PKD1L1: variants seen among roughly 807,000 people sequenced by gnomAD.
PKD1L1 encodes the protein polycystin-1-like protein 1.
Under a neutral mutation model 323.4 loss-of-function variants are expected in PKD1L1, and 236 were observed. The observed-to-expected ratio is 0.73, with a 90% CI of 0.66 to 0.81. The LOEUF (loss-of-function observed/expected upper bound fraction) is 0.81. PKD1L1 is among the 40% of genes least tolerant of loss of function. The pLI is 0.00. For synonymous variants in PKD1L1, 1,344 were observed against 1,335.0 expected (o/e 1.01, Z -0.15); for missense variants, 3,320 against 3,508.0 (o/e 0.95, Z 1.35).
At chr7:47,819,743 T>C (rs1178646486) in intron 46 of PKD1L1, 3 of 374,334 alleles carry the variant, frequency 8.0e-6, no homozygotes, top group African/African-American at 2.2e-5. Flanking sequence ...GTCACAACAC[T>C]GACAAAGGGG....
intron 15 of PKD1L1, among the ~76,000 whole-genome samples, chr7:47,892,022 T>C (rs1440431423): frequency 6.6e-6 from 1 of 152,242 alleles, no homozygotes; most frequent in Non-Finnish European, 1.5e-5. Flanking sequence ...AACTCATCTA[T>C]TGCTTTATAA....
At position 47,929,279 on chromosome 7, in the gene PKD1L1, T is replaced by C; in HGVS notation, c.985A>G (p.Ser329Gly). 2.7e-5 allele frequency: 43 copies of C among 1,614,152 alleles called. No homozygotes were observed. The highest frequency in any genetic ancestry group is 3.6e-5 in the Non-Finnish European group (43 of 1,180,016). ...TGTAGCCTCATTTCAACCCCAGAAC[T>C]GTCCCCGAAATCCATCATCAGACAG... Reference protein sequence around the residue: ...ALCLMMDFGDSSGVEMRLHNM... With the variant: ...ALCLMMDFGDGSGVEMRLHNM... The change falls in exon 7 of 57, where the codon AGT becomes GGT. Residue 329 changes from serine (S) to glycine (G), a missense_variant. Physicochemically the swap from Ser to Gly is moderately conservative, Grantham distance 56. Coordinates refer to ENST00000289672, the MANE Select transcript of PKD1L1 (RefSeq NM_138295.5).
At chr7:47,794,969 T>C (rs1784486058) in intron 55 of PKD1L1, among the ~76,000 whole-genome samples, 1 of 152,248 alleles carries the variant, frequency 6.6e-6, no homozygotes, top group Admixed American at 6.5e-5. Flanking sequence ...ACCCCCATTG[T>C]ATCTAGGAAG....
intron 1 of PKD1L1, among the ~76,000 whole-genome samples, chr7:47,947,043 AT>A (rs771406561): frequency 6.6e-6 from 1 of 152,226 alleles, no homozygotes; most frequent in East Asian, 1.9e-4. Flanking sequence ...CTGCAGGAGC[AT>A]GGGCATTTGG....
intron 4 of PKD1L1, among the ~76,000 whole-genome samples, chr7:47,936,215 C>T (rs1203984613): frequency 3.3e-5 from 5 of 152,132 alleles, no homozygotes; most frequent in African/African-American, 7.2e-5. Context: ...TTTGAAGGCA[C>T]AGTTCAGTGG....
intron 46 of PKD1L1, chr7:47,819,933 A>G (rs1322752436): frequency 4.1e-6 from 1 of 243,314 alleles, no homozygotes; most frequent in Non-Finnish European, 7.9e-6. Flanking sequence ...AAGGCAACAA[A>G]CACACTGATA....
At chr7:47,880,925 A>C (rs2128746714) in intron 20 of PKD1L1, 120 bp from the exon 21 acceptor site, 1 of 635,050 alleles carries the variant, frequency 1.6e-6, no homozygotes, top group Non-Finnish European at 2.5e-6. Context: ...CATAGATACT[A>C]GTGAAACATG....
At chr7:47,788,561 T>TTA (rs143159052) in intron 56 of PKD1L1, among the ~76,000 whole-genome samples, 11,722 of 133,040 alleles carry the variant, frequency 0.088, 565 homozygotes, top group Middle Eastern at 0.16. Context: ...CCCAGCCCAG[T>TTA]TATATATATA....
chr7:47,850,531 C>T (rs1361075465), intron 31 of PKD1L1, among the ~76,000 whole-genome samples: 1 of 148,428 alleles, frequency 6.7e-6, no homozygotes, highest in Non-Finnish European at 1.5e-5. Context: ...ACCCACAAGG[C>T]TGAGGCAGGA....
chr7:47,788,556 C>A (rs1177268446), intron 56 of PKD1L1, among the ~76,000 whole-genome samples: 1 of 131,474 alleles, frequency 7.6e-6, no homozygotes, highest in African/African-American at 2.8e-5. Context: ...CCACACCCAG[C>A]CCAGTTATAT....
chr7:47,809,710 G>T, intron 50 of PKD1L1, 133 bp from the exon 51 acceptor site: 1 of 621,994 alleles, frequency 1.6e-6, no homozygotes, highest in Non-Finnish European at 2.7e-6. Context: ...TTCCTGTTCT[G>T]CAGAGGTTTA....
chr7:47,848,118 A>G (rs1165439713), intron 31 of PKD1L1, among the ~76,000 whole-genome samples: 3 of 152,204 alleles, frequency 2.0e-5, no homozygotes, highest in Non-Finnish European at 4.4e-5. Flanking sequence ...AAGACGTGGG[A>G]AAACAGGCAG....
chr7:47,960,394 A>AAT, the PKD1L1 span, among the ~76,000 whole-genome samples: 1 of 112,282 alleles, frequency 8.9e-6, no homozygotes, highest in Non-Finnish European at 2.0e-5. Flanking sequence ...AAAAAAAAAA[A>AAT]CTGTAAAAAA....
At chr7:47,950,779 T>C (rs554960801), upstream of PKD1L1, among the ~76,000 whole-genome samples, 2 of 152,070 alleles carry the variant, frequency 1.3e-5, no homozygotes, top group Non-Finnish European at 2.9e-5. Context: ...GTAGCCAAGA[T>C]ACAAACTATA....
chr7:47,909,174 C>T (rs1312081728), intron 8 of PKD1L1, among the ~76,000 whole-genome samples: 1 of 152,190 alleles, frequency 6.6e-6, no homozygotes, highest in Non-Finnish European at 1.5e-5. Context: ...AATTCTCTAA[C>T]CTCAACTCCC....
intron 13 of PKD1L1, among the ~76,000 whole-genome samples, chr7:47,901,253 G>A (rs970839713): frequency 1.4e-5 from 2 of 145,334 alleles, no homozygotes; most frequent in Admixed American, 7.2e-5. Context: ...CAGGAGAATC[G>A]CTTAAAGCCA....
intron 16 of PKD1L1, among the ~76,000 whole-genome samples, 161 bp downstream of exon 16, chr7:47,890,381 C>A (rs941327353): frequency 6.6e-6 from 1 of 152,212 alleles, no homozygotes; most frequent in Non-Finnish European, 1.5e-5. Flanking sequence ...GCTTCCCCAG[C>A]CGCTTTCTGA....
chr7:47,815,890 G>C (rs1286489280), intron 46 of PKD1L1, among the ~76,000 whole-genome samples: 4 of 152,190 alleles, frequency 2.6e-5, no homozygotes. Context: ...CAAGTGGTGG[G>C]GTAAGCAGAT....
chr7:47,891,235 A>G (rs75725348), intron 15 of PKD1L1, among the ~76,000 whole-genome samples: 6,998 of 152,280 alleles, frequency 0.046, 388 homozygotes, highest in African/African-American at 0.14. Context: ...CCTGTAGCAC[A>G]GCTAGTGAGG....
Sources: allele counts gnomAD v4.1 joint callset (sites outside exome capture counted in the v4.1 genomes callset), GRCh38; gene constraint gnomAD v4.1.1; transcripts MANE v1.5; gene names NCBI Gene and HGNC (gene_info 2026-07-23, HGNC 2026-07-21).